The following AP5M1 variants were observed in gnomAD, a reference collection of about 807,000 sequenced individuals.
AP5M1 encodes the protein adaptor related protein complex 5 subunit mu 1, also known as AP-5 complex subunit mu-1.
Under a neutral mutation model 52.3 loss-of-function variants are expected in AP5M1, and 44 were observed. The ratio of observed to expected loss-of-function variants is 0.84; its 90% CI spans 0.66 to 1.08. The LOEUF (loss-of-function observed/expected upper bound fraction) is 1.08. AP5M1 is among the 50% of genes least tolerant of loss of function. The pLI is 0.00. For missense variants in AP5M1, 526 were observed against 568.4 expected (o/e 0.93, Z 0.76); for synonymous variants, 213 against 199.0 (o/e 1.07, Z -0.59).
chr14:57,274,732 C>A lies in AP5M1; in HGVS notation c.563C>A (p.Ser188Tyr), dbSNP rs984970036. ...TCATTAGATAATACCAATTTTGCAT[C>A]TGTGACTCAGCCACAGAAACAGCCA... ...QNSLDNTNFASVTQPQKQPAW... is the reference protein window; with the variant it reads ...QNSLDNTNFAYVTQPQKQPAW... The change falls in exon 2 of 8, where the codon TCT (serine) becomes TAT (tyrosine). Residue 188 changes from serine (S) to tyrosine (Y), a missense_variant. Around this residue, in one of 3 missense-constraint regions of AP5M1, gnomAD observed 425 missense variants for 430.6 expected, o/e 0.99. Transcript: ENST00000261558. 32 of 1,614,078 alleles carry A rather than the reference C, an allele frequency of 2.0e-5. No individual in the cohort carries two copies. The highest frequency in any genetic ancestry group is 2.6e-5 in the Non-Finnish European group (31 of 1,180,050).
chr14:57,292,943 GC>G lies in AP5M1; in HGVS notation c.*4060del, dbSNP rs1760674162. ...TTGTGTTTCCATTATAAGAATAATT[GC>G]ATTCATTTTCAGAATGCTTTTTTAA... On this transcript the variant is annotated 3_prime_UTR_variant, in exon 8 of 8. Coordinates refer to ENST00000261558, the MANE Select transcript of AP5M1 (RefSeq NM_018229.4). 6.6e-6 allele frequency: 1 copy of G among 151,118 alleles called. No homozygotes were observed. The highest frequency in any genetic ancestry group is 2.4e-5 in the African/African-American group (1 of 41,200). 9.4% of individuals were successfully genotyped at this position (151,118 alleles called of 1,614,324 possible). A position where few individuals can be genotyped will look rare whatever the true frequency, so the allele number is the denominator to read the frequency against.
rs1290194457 is a variant in AP5M1 at position 57,282,994 on chromosome 14, G to A, written c.1149G>A (p.Glu383=). The A allele has an allele frequency of 1.4e-5, 22 of 1,600,376 alleles. No homozygotes were observed. Among genetic ancestry groups the A allele is most frequent in the Non-Finnish European group, 1.9e-5 (22 of 1,171,762 alleles). The change falls in exon 5 of 8, where the codon GAG becomes GAA. Residue 383 remains glutamate (E), a synonymous_variant. Coordinates refer to ENST00000261558, the MANE Select transcript of AP5M1 (RefSeq NM_018229.4). ...TSFGQLEVFR[E]KSLLIWIIGQ... is the part of the protein sequence containing the mutation. ...TTGGCCAGCTTGAAGTATTTCGAGA[G>A]AAAAGCTTATTGATCTGGATTATTG...
Position 57,274,547 on chromosome 14 carries a change from T to C in AP5M1, c.378T>C (p.Ser126=), listed in dbSNP as rs1884973436. The C allele has an allele frequency of 6.2e-7, 1 of 1,614,082 alleles. No homozygotes were observed. ...LSPRPPLISV[S]GVSQGFEFLF... ...CTCGTCCGCCACTAATTAGTGTCAG[T>C]GGAGTTTCACAAGGCTTTGAATTTC... The change falls in exon 2 of 8, where the codon AGT becomes AGC. Residue 126 remains serine (S), a synonymous_variant. Transcript: ENST00000261558.
At position 57,292,617 on chromosome 14, in the gene AP5M1, A is replaced by G. The variant is rs1885461614; in HGVS notation, c.*3733A>G. On this transcript the variant is annotated 3_prime_UTR_variant, in exon 8 of 8. Transcript: ENST00000261558. ...TTTGAAGAAAGAAGAAACAAAGACTACATTCTAAGTATTGCTTCTAGTTTT... is the reference window on the plus strand; with the variant it reads ...TTTGAAGAAAGAAGAAACAAAGACTGCATTCTAAGTATTGCTTCTAGTTTT... 6.6e-6 allele frequency: 1 copy of G among 151,846 alleles called. No individual in the cohort carries two copies. Among genetic ancestry groups the G allele is most frequent in the Non-Finnish European group, 1.5e-5 (1 of 67,820 alleles). The allele number at this position is 151,846 out of a possible 1,614,324, so 9.4% of individuals were successfully genotyped here. A position where few individuals can be genotyped will look rare whatever the true frequency, so the allele number is the denominator to read the frequency against.
chr14:57,285,027 A>C (rs1885274456), intron 6 of AP5M1, among the ~76,000 whole-genome samples: 1 of 152,158 alleles, frequency 6.6e-6, no homozygotes, highest in African/African-American at 2.4e-5. Flanking sequence ...AAATAAGATC[A>C]GAAAAGGATA....
chr14:57,293,431 C>T lies in AP5M1; in HGVS notation c.*4547C>T, dbSNP rs1018998720. 8.6e-5 allele frequency: 13 copies of T among 151,766 alleles called. No individual in the cohort carries two copies. The highest frequency in any genetic ancestry group is 3.1e-4 in the African/African-American group (13 of 41,478). The allele number at this position is 151,766 out of a possible 1,614,324, so 9.4% of individuals were successfully genotyped here. On this transcript the variant is annotated 3_prime_UTR_variant, in exon 8 of 8. Transcript: ENST00000261558. ...TTGTGATCTAATTTATAAATTGAAA[C>T]AATGACTCAAAGAAGTGCATACCTA...
rs1885531357 is a variant in AP5M1 at position 57,295,522 on chromosome 14, C to T, written c.*6638C>T. 6.6e-6 allele frequency: 1 copy of T among 151,918 alleles called. No homozygotes were observed. The highest frequency in any genetic ancestry group is 6.6e-5 in the Admixed American group (1 of 15,210). 9.4% of individuals were successfully genotyped at this position (151,918 alleles called of 1,614,324 possible). On this transcript the variant is annotated 3_prime_UTR_variant, in exon 8 of 8. Coordinates refer to ENST00000261558, the MANE Select transcript of AP5M1 (RefSeq NM_018229.4). ...GTTGAAAGAATATTTGTTGCATCTT[C>T]AAGCAACCTGCTGCTCTCCAGACTG...
At chr14:57,272,883 T>TTTTG (rs200485203) in intron 1 of AP5M1, among the ~76,000 whole-genome samples, 2 of 152,086 alleles carry the variant, frequency 1.3e-5, no homozygotes, top group African/African-American at 2.4e-5. Context: ...CTTTTGGGTT[T>TTTTG]TTTGTTTGTT....
At chr14:57,269,961 A>T (rs1887089120) in intron 1 of AP5M1, among the ~76,000 whole-genome samples, 1 of 152,114 alleles carries the variant, frequency 6.6e-6, no homozygotes, top group African/African-American at 2.4e-5. Flanking sequence ...GGCACCCGCC[A>T]CCACGCCCGG....
chr14:57,286,057 G>A (rs1566519388), intron 6 of AP5M1, among the ~76,000 whole-genome samples, 166 bp from the exon 7 acceptor site: 1 of 152,068 alleles, frequency 6.6e-6, no homozygotes, highest in African/African-American at 2.4e-5. Context: ...GTGTGTTTTT[G>A]TATATATATG....
intron 7 of AP5M1, 54 bp from the exon 8 acceptor site, chr14:57,288,748 C>T (rs12881029): frequency 0.022 from 23,803 of 1,089,762 alleles, 318 homozygotes; most frequent in Non-Finnish European, 0.027. Flanking sequence ...ACTTTGCTCT[C>T]GTTGAATTTT....
Position 57,290,677 on chromosome 14 carries a change from G to A in AP5M1, c.*1793G>A, listed in dbSNP as rs1214305604. 1.3e-5 allele frequency: 2 copies of A among 151,880 alleles called. No individual in the cohort carries two copies. The highest frequency in any genetic ancestry group is 4.8e-5 in the African/African-American group (2 of 41,406). 9.4% of individuals were successfully genotyped at this position (151,880 alleles called of 1,614,324 possible). A position where few individuals can be genotyped will look rare whatever the true frequency, so the allele number is the denominator to read the frequency against. ...TAGGGTGTCCTGGAAAAGTGATGAGGTGTTGGGGAACCTGATGCCATCTGT... is the reference window on the plus strand; with the variant it reads ...TAGGGTGTCCTGGAAAAGTGATGAGATGTTGGGGAACCTGATGCCATCTGT... On this transcript the variant is annotated 3_prime_UTR_variant, in exon 8 of 8. Coordinates refer to ENST00000261558, the MANE Select transcript of AP5M1 (RefSeq NM_018229.4).
intron 2 of AP5M1, among the ~76,000 whole-genome samples, chr14:57,279,264 G>GAC (rs1176876746): frequency 6.6e-6 from 1 of 152,066 alleles, no homozygotes; most frequent in Non-Finnish European, 1.5e-5. Flanking sequence ...CAATAGTAAA[G>GAC]ACATGGAATC....
chr14:57,280,139 T>G (rs1885135461), intron 2 of AP5M1, 56 bp from the exon 3 acceptor site: 4 of 1,333,686 alleles, frequency 3.0e-6, no homozygotes, highest in Non-Finnish European at 4.3e-6. Flanking sequence ...TTGAAAAGCC[T>G]CAAACAGACA....
In AP5M1 at chr14:57,274,420, A is replaced by G. The variant is rs544958915; in HGVS notation, c.251A>G (p.Tyr84Cys). The G allele has an allele frequency of 1.9e-6, 3 of 1,614,138 alleles. No homozygotes were observed. The South Asian group carries it at 3.3e-5, about 18-fold the overall frequency. Residue 84 changes from tyrosine to cysteine, a missense_variant, in exon 2 of 8, where the codon TAT (tyrosine) becomes TGT (cysteine). Physicochemically the swap from Tyr to Cys is radical, Grantham distance 194. Transcript: ENST00000261558. Reference protein sequence around the residue: ...SCSRINKTSIYGLLIGGEELW... With the variant: ...SCSRINKTSICGLLIGGEELW... ...TCACGCATCAATAAAACATCCATTT[A>G]TGGACTCCTGATAGGAGGTGAAGAA...
intron 1 of AP5M1, among the ~76,000 whole-genome samples, chr14:57,272,470 G>C (rs562251447): frequency 1.3e-5 from 2 of 152,256 alleles, no homozygotes; most frequent in East Asian, 3.9e-4. Flanking sequence ...ATCTGGCTTA[G>C]GTCGGTATCA....
chr14:57,282,512 T>A (rs777177300), intron 4 of AP5M1, among the ~76,000 whole-genome samples: 1 of 152,218 alleles, frequency 6.6e-6, no homozygotes, highest in African/African-American at 2.4e-5. Flanking sequence ...AATTTTTCCA[T>A]ATACAAGTCA....
rs1195797737 is a variant in AP5M1, at chr14:57,282,928, T to C, written c.1089-6T>C. On this transcript the variant is annotated splice_region_variant and splice_polypyrimidine_tract_variant and intron_variant, in intron 4 of 7. Coordinates refer to ENST00000261558, the MANE Select transcript of AP5M1 (RefSeq NM_018229.4). ...CTTTTTCTATTTTATCCTTTTCTTTTTAAAGAGGTCCAATTACACATTTGG... is the reference window on the plus strand; with the variant it reads ...CTTTTTCTATTTTATCCTTTTCTTTCTAAAGAGGTCCAATTACACATTTGG... 1 of 1,554,628 alleles carries C rather than the reference T, an allele frequency of 6.4e-7. No homozygotes were observed. The highest frequency in any genetic ancestry group is 1.4e-5 in the African/African-American group (1 of 72,354).
rs144001232 is a variant in AP5M1 at position 57,277,290 on chromosome 14, G to A, written c.720+2401G>A. 8.1e-4 allele frequency among the ~76,000 whole-genome samples: 123 copies of A among 152,108 alleles called. 1 individual carries two copies. Among genetic ancestry groups the A allele is most frequent in the Admixed American group, 6.8e-3 (104 of 15,292 alleles). On this transcript the variant is annotated intron_variant, in intron 2 of 7. Coordinates refer to ENST00000261558, the MANE Select transcript of AP5M1 (RefSeq NM_018229.4). ...TTTTAAGTGTGCAGATAGATTCATC[G>A]GCAGGTTCCATGATGGTTGATCTTT...
Sources: gnomAD v4.1 joint callset for allele counts (sites outside exome capture counted in the v4.1 genomes callset) on GRCh38, gnomAD v4.1.1 for gene constraint, gnomAD v4.1.1 regional missense constraint, MANE v1.5 for transcripts, NCBI Gene and HGNC (gene_info 2026-07-23, HGNC 2026-07-21) for gene names.